The following TMEM50B variants were observed in gnomAD, a reference collection of about 807,000 sequenced individuals.
TMEM50B encodes transmembrane protein 50B.
TMEM50B carries 14 observed loss-of-function variants against 23.4 expected under a neutral mutation model. The observed-to-expected ratio is 0.60, with a 90% CI of 0.39 to 0.93. The LOEUF (loss-of-function observed/expected upper bound fraction) is 0.93, where lower values mean the gene tolerates loss of function less well. TMEM50B is among the 40% of genes least tolerant of loss of function. TMEM50B has a pLI of 0.00. For synonymous variants in TMEM50B, 64 were observed against 62.3 expected, an observed-to-expected ratio of 1.03 and a Z score of -0.13; for missense variants, 159 against 193.0, an observed-to-expected ratio of 0.82 and a Z score of 1.04.
intron 8 of TMEM50B, among the ~76,000 whole-genome samples, chr21:33,433,706 A>G (rs2083913621): frequency 6.6e-6 from 1 of 152,142 alleles, no homozygotes; most frequent in South Asian, 2.1e-4. Context: ...GCACAATGTG[A>G]ATGTGCTTGG....
intron 6 of TMEM50B, 119 bp from the exon 7 acceptor site, chr21:33,450,982 A>T (rs993517396): frequency 2.5e-6 from 2 of 792,038 alleles, no homozygotes; most frequent in African/African-American, 3.5e-5. Flanking sequence ...TTAAAAATTA[A>T]ATTAGACATC....
intron 6 of TMEM50B, among the ~76,000 whole-genome samples, chr21:33,451,844 C>T (rs113089920): frequency 5.9e-5 from 9 of 151,760 alleles, no homozygotes; most frequent in African/African-American, 2.2e-4. Context: ...AGGCCAAGAA[C>T]AGCTTTAAGA....
intron 5 of TMEM50B, 157 bp downstream of exon 5, chr21:33,460,256 C>T (rs2084205266): frequency 1.6e-6 from 1 of 628,962 alleles, no homozygotes; most frequent in Non-Finnish European, 2.9e-6. Context: ...TAAGTGTTCC[C>T]ACTGACAAGT....
chr21:33,441,576 C>T (rs1005746453), intron 7 of TMEM50B, among the ~76,000 whole-genome samples: 5 of 151,958 alleles, frequency 3.3e-5, no homozygotes, highest in South Asian at 2.1e-4. Context: ...TTGTGTAAGG[C>T]GGTGAAGGGC....
chr21:33,456,630 G>C (rs964518894), intron 5 of TMEM50B, among the ~76,000 whole-genome samples: 1 of 152,130 alleles, frequency 6.6e-6, no homozygotes, highest in African/African-American at 2.4e-5. Context: ...CAGCAGCATG[G>C]TTAAGAGCTC....
At chr21:33,465,892 T>C (rs182692641) in intron 3 of TMEM50B, among the ~76,000 whole-genome samples, 82 of 152,304 alleles carry the variant, frequency 5.4e-4, no homozygotes, top group Admixed American at 4.7e-3. Flanking sequence ...CAAGGTACAT[T>C]AATTAGTAAC....
chr21:33,432,680 G>A, exon 9 of TMEM50B: 1 of 1,610,836 alleles, frequency 6.2e-7, no homozygotes, highest in Non-Finnish European at 8.5e-7. Flanking sequence ...TGCGTAGGAA[G>A]ATCATTCTGT....
At chr21:33,441,229 C>CAA (rs1177193478) in intron 7 of TMEM50B, among the ~76,000 whole-genome samples, 2 of 141,998 alleles carry the variant, frequency 1.4e-5, no homozygotes, top group Non-Finnish European at 3.1e-5. Context: ...GAATCTGTCT[C>CAA]AAAAAAAAAA....
chr21:33,473,116 T>C (rs1156719446), intron 1 of TMEM50B, among the ~76,000 whole-genome samples: 2 of 151,804 alleles, frequency 1.3e-5, no homozygotes, highest in African/African-American at 2.4e-5. Context: ...GAACAAAGGA[T>C]ACTAGAAGAC....
In TMEM50B at chr21:33,452,773, C is replaced by T. The variant is rs922829465; in HGVS notation, c.432-1910G>A. Among the ~76,000 whole-genome samples the T allele has an allele frequency of 7.2e-5, 11 of 152,090 alleles. No individual in the cohort carries two copies. The South Asian group carries it at 8.3e-4, about 11-fold the overall frequency. ...TCCCAACAAATTGTATGCAAAGCAC[C>T]AAATAAGGGAAAATAGGTCCAAAAT... On this transcript the variant is annotated intron_variant, in intron 6 of 6. Coordinates refer to ENST00000542230, the MANE Select transcript of TMEM50B (RefSeq NM_006134.7).
Position 33,465,430 on chromosome 21 carries a change from C to T in TMEM50B, c.213-21G>A, listed in dbSNP as rs767983839. 1.0e-5 allele frequency: 16 copies of T among 1,593,170 alleles called. No individual in the cohort carries two copies. The African/African-American group carries it at 2.0e-4, about 20-fold the overall frequency. ...TTATCCTAGAACGGCACAAAATCAT[C>T]AAATGAATTTCAGTATTCGCTGTTA... On this transcript the variant is annotated intron_variant, in intron 3 of 6. Coordinates refer to ENST00000542230, the MANE Select transcript of TMEM50B (RefSeq NM_006134.7).
At chr21:33,473,654 C>CAAA (rs145070351) in intron 1 of TMEM50B, among the ~76,000 whole-genome samples, 23,949 of 118,512 alleles carry the variant, frequency 0.2, 2,465 homozygotes, top group Admixed American at 0.26. Flanking sequence ...GACCTTGTCT[C>CAAA]AAAAAAAAAA....
At position 33,467,064 on chromosome 21, in the gene TMEM50B, T is replaced by A. The variant is rs1348357613; in HGVS notation, c.158A>T (p.Gln53Leu). ...ACATGTGTGAAAGGCATGGTTCAAC[T>A]GTTCTGGCTTAGGATACACCACAGC... ...DAAVVYPKPE[Q>L]LNHAFHTCGV... The change falls in exon 3 of 7, where the codon CAG becomes CTG. Residue 53 changes from glutamine to leucine, a missense_variant. Transcript: ENST00000542230. 1.2e-6 allele frequency: 2 copies of A among 1,614,094 alleles called. No individual in the cohort carries two copies. The highest frequency in any genetic ancestry group is 1.3e-5 in the African/African-American group (1 of 74,948).
chr21:33,476,586 C>T (rs978453887), intron 1 of TMEM50B, among the ~76,000 whole-genome samples: 2 of 151,214 alleles, frequency 1.3e-5, no homozygotes, highest in Non-Finnish European at 2.9e-5. Context: ...ACGATGAAAC[C>T]CCGTCTCTAC....
intron 7 of TMEM50B, among the ~76,000 whole-genome samples, chr21:33,443,112 T>C (rs531966944): frequency 2.6e-3 from 401 of 152,292 alleles, no homozygotes; most frequent in Non-Finnish European, 4.5e-3. Flanking sequence ...TATTTTTGTA[T>C]CTGAAAAGCC....
chr21:33,435,982 A>G (rs2409493), intron 8 of TMEM50B, among the ~76,000 whole-genome samples: 88,059 of 151,092 alleles, frequency 0.58, 27,635 homozygotes, highest in East Asian at 0.83. Context: ...AATTGCTTGA[A>G]CCCAGGAGGC....
chr21:33,462,250 G>C (rs2123437685), intron 4 of TMEM50B, among the ~76,000 whole-genome samples: 1 of 152,276 alleles, frequency 6.6e-6, no homozygotes, highest in Admixed American at 6.5e-5. Flanking sequence ...AAAAGCTTAA[G>C]AGTAGCAATA....
chr21:33,479,760 G>A (rs1408424434), intron 1 of TMEM50B, 78 bp downstream of exon 1: 2 of 152,618 alleles, frequency 1.3e-5, no homozygotes, highest in Admixed American at 6.5e-5. Flanking sequence ...GCCCGACGAG[G>A]GAGCCTCCTT....
intron 7 of TMEM50B, among the ~76,000 whole-genome samples, chr21:33,443,986 C>T (rs527721247): frequency 2.0e-5 from 3 of 152,206 alleles, no homozygotes; most frequent in Admixed American, 1.3e-4. Flanking sequence ...CTGCAACTTC[C>T]GCCTCCTGGG....
Sources: allele counts gnomAD v4.1 joint callset (sites outside exome capture counted in the v4.1 genomes callset), GRCh38; gene constraint gnomAD v4.1.1; transcripts MANE v1.5; gene names NCBI Gene and HGNC (gene_info 2026-07-23, HGNC 2026-07-21).